PAG1: variants seen among roughly 807,000 people sequenced by gnomAD.
PAG1 encodes the protein phosphoprotein membrane anchor with glycosphingolipid microdomains 1, also known as phosphoprotein associated with glycosphingolipid-enriched microdomains 1.
PAG1 carries 23 observed loss-of-function variants against 31.7 expected under a neutral mutation model. The ratio of observed to expected loss-of-function variants is 0.73; its 90% confidence interval spans 0.52 to 1.03. The LOEUF is 1.03. Ranked by LOEUF, PAG1 falls within the 50% of genes least tolerant of loss-of-function variation. PAG1 has a pLI of 0.00. For synonymous variants in PAG1, 214 were observed against 210.3 expected, an observed-to-expected ratio of 1.02 and a Z score of -0.15; for missense variants, 473 against 540.7, an observed-to-expected ratio of 0.87 and a Z score of 1.24.
Position 80,987,301 on chromosome 8 carries a change from A to C in PAG1, c.274+69T>G. On this transcript the variant is annotated intron_variant, in intron 6 of 8. Coordinates refer to ENST00000220597, the MANE Select transcript of PAG1 (RefSeq NM_018440.4). ...ACATTTCCTACTTTTTGAGCTATGT[A>C]TTTTGAAACCTAGGACTTCCAGAGG... The C allele has an allele frequency of 5.1e-6, 5 of 979,042 alleles. No individual in the cohort carries two copies. In the South Asian group the frequency reaches 5.4e-5, roughly 11 times the overall value. The allele number at this position is 979,042 out of a possible 1,614,324, so 60.6% of individuals were successfully genotyped here.
intron 2 of PAG1, among the ~76,000 whole-genome samples, chr8:81,050,221 T>A (rs371151462): frequency 1.3e-5 from 2 of 152,164 alleles, no homozygotes; most frequent in Non-Finnish European, 2.9e-5. Context: ...AAATTGAGAC[T>A]GTAAATTAAA....
intron 2 of PAG1, among the ~76,000 whole-genome samples, chr8:81,043,481 G>A (rs902119570): frequency 6.6e-6 from 1 of 150,882 alleles, no homozygotes; most frequent in Non-Finnish European, 1.5e-5. Context: ...GTTTCATTGT[G>A]TTCATTTACT....
At chr8:81,061,411 A>T (rs1808915269) in intron 2 of PAG1, among the ~76,000 whole-genome samples, 1 of 152,310 alleles carries the variant, frequency 6.6e-6, no homozygotes, top group East Asian at 1.9e-4. Flanking sequence ...ACAAATGCTC[A>T]TCATGTTGAC....
At position 80,990,750 on chromosome 8, in the gene PAG1, T is replaced by C. The variant is rs978619423; in HGVS notation, c.177+729A>G. On this transcript the variant is annotated intron_variant, in intron 5 of 8. Coordinates refer to ENST00000220597, the MANE Select transcript of PAG1 (RefSeq NM_018440.4). This position sits in a 1 kb window ranked among gnomAD's most constrained non-coding sequence, Gnocchi z 5.1. ...AAGGCTAGGTTATATACCTAGGGTGTTGTGGGTCCCAAGCTCCCTCCAGCT... is the reference window on the plus strand; with the variant it reads ...AAGGCTAGGTTATATACCTAGGGTGCTGTGGGTCCCAAGCTCCCTCCAGCT... Among the ~76,000 whole-genome samples the C allele has an allele frequency of 6.6e-6, 1 of 152,088 alleles. No homozygotes were observed. Among genetic ancestry groups the C allele is most frequent in the Non-Finnish European group, 1.5e-5 (1 of 68,014 alleles).
Position 81,010,157 on chromosome 8 carries a change from T to G in PAG1, c.-80-16850A>C, listed in dbSNP as rs113715405. On this transcript the variant is annotated intron_variant, in intron 3 of 8. Transcript: ENST00000220597. ...ATGTCATAATCAGGATGTGGCAATA[T>G]AAAACAGATACAGCTCATTGTTCCT... Among the ~76,000 whole-genome samples the G allele has an allele frequency of 9.5e-3, 1,452 of 152,348 alleles. 12 individuals are homozygous for G. Among genetic ancestry groups the G allele is most frequent in the Middle Eastern group, 0.027 (8 of 294 alleles).
chr8:81,006,428 C>T (rs1341465150), intron 3 of PAG1, among the ~76,000 whole-genome samples: 1 of 152,186 alleles, frequency 6.6e-6, no homozygotes, highest in Non-Finnish European at 1.5e-5. Context: ...CTTTCCATCT[C>T]ACTGGTTCTG....
Position 81,085,972 on chromosome 8 carries a change from G to GTGTTTTTTTT in PAG1, c.-233-15803_-233-15802insAAAAAAAACA, listed in dbSNP as rs1809345255. ...AGTAGTTACGCTTTTAATCTGGCTT[G>GTGTTTTTTTT]TTTTTTTTTTTTTTTTTTTTTTTTT... On this transcript the variant is annotated intron_variant, in intron 1 of 8. Coordinates refer to ENST00000220597, the MANE Select transcript of PAG1 (RefSeq NM_018440.4). Among the ~76,000 whole-genome samples the GTGTTTTTTTT allele has an allele frequency of 1.7e-3, 101 of 58,906 alleles. 1 individual carries two copies. Among genetic ancestry groups the GTGTTTTTTTT allele is most frequent in the African/African-American group, 7.3e-3 (100 of 13,784 alleles). The allele number at this position is 58,906 out of a possible 152,430, so 38.6% of individuals were successfully genotyped here. A position where few individuals can be genotyped will look rare whatever the true frequency, so the allele number is the denominator to read the frequency against.
chr8:81,065,023 C>T (rs1269072982), intron 2 of PAG1, among the ~76,000 whole-genome samples: 1 of 152,160 alleles, frequency 6.6e-6, no homozygotes, highest in African/African-American at 2.4e-5. Flanking sequence ...AAGGCTTCTC[C>T]CAAACCTCTG....
intron 3 of PAG1, among the ~76,000 whole-genome samples, chr8:81,020,491 G>A (rs1458519985): frequency 6.6e-6 from 1 of 152,120 alleles, no homozygotes; most frequent in Non-Finnish European, 1.5e-5. Context: ...GAGATCTGAT[G>A]GTTTTATAAA....
rs77443576 is a variant in PAG1, at chr8:80,979,479, G to C, written c.936+956C>G. Among the ~76,000 whole-genome samples, 584 of 152,298 alleles carry C rather than the reference G, an allele frequency of 3.8e-3. 17 individuals are homozygous for C. The East Asian group carries it at 0.086, about 22-fold the overall frequency. On this transcript the variant is annotated intron_variant, in intron 8 of 8. Coordinates refer to ENST00000220597, the MANE Select transcript of PAG1 (RefSeq NM_018440.4). ...AGTGAGGAAAAGGAAGTATCGAGAT[G>C]ACCCCTAGGTTTTGGTCTGTGCAAC...
intron 7 of PAG1, among the ~76,000 whole-genome samples, chr8:80,981,412 C>A (rs990639275): frequency 3.3e-5 from 5 of 152,112 alleles, no homozygotes; most frequent in Middle Eastern, 3.4e-3. Context: ...GCCCTTAAAG[C>A]CGCTCCGTAT....
intron 2 of PAG1, among the ~76,000 whole-genome samples, chr8:81,066,062 G>C (rs1250100197): frequency 1.3e-5 from 2 of 152,180 alleles, no homozygotes; most frequent in Non-Finnish European, 2.9e-5. Flanking sequence ...CTTTGGGCCA[G>C]GGAGCAAAAT....
At chr8:81,051,338 C>T (rs1261010967) in intron 2 of PAG1, among the ~76,000 whole-genome samples, 1 of 152,188 alleles carries the variant, frequency 6.6e-6, no homozygotes, top group African/African-American at 2.4e-5. Context: ...AAACCATCAG[C>T]CCCAAACTGT....
chr8:81,091,808 G>A (rs1276337166), intron 1 of PAG1, among the ~76,000 whole-genome samples: 3 of 149,156 alleles, frequency 2.0e-5, no homozygotes, highest in Non-Finnish European at 4.4e-5. Flanking sequence ...TGCATCCTAA[G>A]TCACAGGATG....
chr8:81,065,806 T>C (rs1392643232), intron 2 of PAG1, among the ~76,000 whole-genome samples: 14 of 151,000 alleles, frequency 9.3e-5, no homozygotes. Flanking sequence ...TGTATATATA[T>C]GCATGTGTGT....
At chr8:81,026,966 T>G (rs1808292091) in intron 3 of PAG1, among the ~76,000 whole-genome samples, 1 of 152,232 alleles carries the variant, frequency 6.6e-6, no homozygotes, top group South Asian at 2.1e-4. Context: ...GGTTTTTTCT[T>G]GCTATCTTTG....
At chr8:81,013,859 C>T (rs1023046512) in intron 3 of PAG1, among the ~76,000 whole-genome samples, 2 of 152,108 alleles carry the variant, frequency 1.3e-5, no homozygotes, top group South Asian at 2.1e-4. Flanking sequence ...GGATTACAGG[C>T]GTGAGCCACT....
intron 2 of PAG1, among the ~76,000 whole-genome samples, chr8:81,046,845 A>AC (rs557435833): frequency 6.6e-6 from 1 of 150,436 alleles, no homozygotes; most frequent in Non-Finnish European, 1.5e-5. Flanking sequence ...CCCTCCTCCT[A>AC]CCCCCCAACC....
intron 2 of PAG1, among the ~76,000 whole-genome samples, chr8:81,056,424 C>T (rs1424857234): frequency 1.3e-5 from 2 of 152,124 alleles, no homozygotes; most frequent in East Asian, 1.9e-4. Flanking sequence ...CACACATCTA[C>T]AACCATCTGA....
Sources: gnomAD v4.1 joint callset for allele counts (sites outside exome capture counted in the v4.1 genomes callset) on GRCh38, gnomAD v4.1.1 for gene constraint, Gnocchi (gnomAD v3.1) non-coding constraint, MANE v1.5 for transcripts, NCBI Gene and HGNC (gene_info 2026-07-23, HGNC 2026-07-21) for gene names.